The following OPCML variants were observed in gnomAD, a reference collection of about 807,000 sequenced individuals.
The protein encoded by OPCML is opioid binding protein/cell adhesion molecule like.
In OPCML, 13 loss-of-function variants were observed where a neutral mutation model predicts 37.8. That is an observed-to-expected ratio of 0.34 (90% CI 0.22 to 0.55). OPCML has a LOEUF of 0.55. Among genes scored for constraint, OPCML ranks in the 20% least tolerant of loss-of-function variants. The pLI is 0.91. For missense variants in OPCML, 341 were observed against 435.6 expected (o/e 0.78, Z 1.93); for synonymous variants, 176 against 168.8 (o/e 1.04, Z -0.33).
intron 3 of OPCML, among the ~76,000 whole-genome samples, chr11:132,577,279 T>A (rs1474113626): frequency 6.6e-6 from 1 of 152,182 alleles, no homozygotes; most frequent in Non-Finnish European, 1.5e-5. Context: ...TTTGGTTGCT[T>A]ATGTTAGGAA....
chr11:132,420,850 T>G (rs1294154369), intron 7 of OPCML, among the ~76,000 whole-genome samples: 1 of 152,044 alleles, frequency 6.6e-6, no homozygotes, highest in Admixed American at 6.5e-5. Flanking sequence ...TCCCCATGGG[T>G]TTTAAAGGCT....
At chr11:133,277,530 G>A (rs1208715527) in intron 1 of OPCML, among the ~76,000 whole-genome samples, 3 of 152,008 alleles carry the variant, frequency 2.0e-5, no homozygotes, top group Non-Finnish European at 4.4e-5. Flanking sequence ...GTTGCTGTTG[G>A]GCCATCTGAG....
chr11:132,664,038 T>C (rs921320474), intron 2 of OPCML, among the ~76,000 whole-genome samples: 3 of 152,146 alleles, frequency 2.0e-5, no homozygotes, highest in African/African-American at 4.8e-5. Flanking sequence ...TTCACTGCGT[T>C]AGCCAGGATG....
chr11:133,384,251 A>C (rs941529111), intron 1 of OPCML, among the ~76,000 whole-genome samples: 1 of 89,614 alleles, frequency 1.1e-5, no homozygotes, highest in Non-Finnish European at 2.3e-5. Context: ...ACTGTGCAAA[A>C]AAAAAAAAAA....
At chr11:133,419,105 G>T in intron 1 of OPCML, 1 of 357,720 alleles carries the variant, frequency 2.8e-6, no homozygotes, top group Non-Finnish European at 3.9e-6. Context: ...ACTGATTTGA[G>T]TAATAACTCT....
chr11:132,845,098 G>A (rs1424784977), intron 2 of OPCML, among the ~76,000 whole-genome samples: 1 of 152,046 alleles, frequency 6.6e-6, no homozygotes, highest in African/African-American at 2.4e-5. Context: ...AAGGTATGTG[G>A]GGAAGCTCAT....
chr11:132,656,943 C>T, intron 3 of OPCML, 144 bp downstream of exon 3: 1 of 1,415,202 alleles, frequency 7.1e-7, no homozygotes, highest in Non-Finnish European at 9.4e-7. Context: ...CGATGGGAAA[C>T]ATTCCAAGAC....
chr11:132,489,248 G>A (rs1020799820), intron 4 of OPCML, among the ~76,000 whole-genome samples: 2 of 152,114 alleles, frequency 1.3e-5, no homozygotes, highest in Non-Finnish European at 2.9e-5. Context: ...TCCACATCCC[G>A]CCCCGCTGGG....
At chr11:132,601,811 G>C (rs950181678) in intron 3 of OPCML, among the ~76,000 whole-genome samples, 3 of 152,104 alleles carry the variant, frequency 2.0e-5, no homozygotes, top group African/African-American at 7.2e-5. Flanking sequence ...AATGGAGTCA[G>C]GGTGAGGGGT....
intron 1 of OPCML, among the ~76,000 whole-genome samples, chr11:133,291,976 G>A (rs1280434556): frequency 5.3e-5 from 8 of 152,200 alleles, no homozygotes; most frequent in Non-Finnish European, 1.2e-4. Flanking sequence ...ACAAGAGAAT[G>A]GCCTTACAGT....
intron 1 of OPCML, among the ~76,000 whole-genome samples, chr11:133,334,461 AAAG>A (rs1366278082): frequency 3.3e-5 from 5 of 152,132 alleles, no homozygotes; most frequent in Admixed American, 3.3e-4. Context: ...TCATGAACAA[AAAG>A]AAGGAAACAG....
chr11:133,329,899 G>T (rs978021716), intron 1 of OPCML, among the ~76,000 whole-genome samples: 34 of 152,206 alleles, frequency 2.2e-4, no homozygotes, highest in African/African-American at 7.7e-4. Flanking sequence ...GAGTGAACAG[G>T]CAACCTACAG....
At chr11:133,115,506 AAAC>A (rs774021514) in intron 1 of OPCML, among the ~76,000 whole-genome samples, 31 of 152,178 alleles carry the variant, frequency 2.0e-4, no homozygotes, top group East Asian at 3.8e-4. Context: ...AAAACAAACA[AAAC>A]AACAACAACA....
intron 2 of OPCML, among the ~76,000 whole-genome samples, chr11:132,780,268 G>A (rs1470809261): frequency 6.6e-6 from 1 of 152,196 alleles, no homozygotes; most frequent in Non-Finnish European, 1.5e-5. Context: ...CACACTGTAC[G>A]TGAGACACTG....
chr11:133,237,753 G>GT (rs1940576500), intron 1 of OPCML, among the ~76,000 whole-genome samples: 2 of 152,200 alleles, frequency 1.3e-5, no homozygotes, highest in Non-Finnish European at 2.9e-5. Flanking sequence ...GCATATATCA[G>GT]TGTGCAAACA....
At chr11:132,711,768 T>C (rs1784177) in intron 2 of OPCML, among the ~76,000 whole-genome samples, 14,373 of 152,258 alleles carry the variant, frequency 0.094, 769 homozygotes, top group Non-Finnish European at 0.11. Flanking sequence ...GGTGCATATG[T>C]ATATATGTGT....
chr11:133,040,055 ACCCTCTATTT>A (rs1209222385), intron 1 of OPCML, among the ~76,000 whole-genome samples: 1 of 151,014 alleles, frequency 6.6e-6, no homozygotes, highest in Non-Finnish European at 1.5e-5. Flanking sequence ...GGGATGGCAG[ACCCTCTATTT>A]CCCTCTATTT....
At position 133,174,705 on chromosome 11, in the gene OPCML, T is replaced by C. The variant is rs1038722049; in HGVS notation, c.62-231695A>G. Among the ~76,000 whole-genome samples the C allele has an allele frequency of 6.6e-5, 10 of 151,882 alleles. No homozygotes were observed. Among genetic ancestry groups the C allele is most frequent in the African/African-American group, 2.4e-4 (10 of 41,454 alleles). ...GAGTGAAGTGTGTGTATTTCTTGTC[T>C]CCTGAAAAATAAATTTATGTTTGCC... On this transcript the variant is annotated intron_variant, in intron 1 of 7. Transcript: ENST00000524381. The surrounding 1 kb of genome is among the most constrained non-coding windows in gnomAD (Gnocchi z 4.6).
intron 2 of OPCML, among the ~76,000 whole-genome samples, chr11:132,718,681 C>G (rs1222709048): frequency 2.0e-5 from 3 of 152,098 alleles, no homozygotes; most frequent in Non-Finnish European, 4.4e-5. Flanking sequence ...GGGGTCATCC[C>G]AGTGAGGACA....
Sources: allele counts gnomAD v4.1 joint callset (sites outside exome capture counted in the v4.1 genomes callset), GRCh38; gene constraint gnomAD v4.1.1; non-coding constraint Gnocchi (gnomAD v3.1); transcripts MANE v1.5; gene names NCBI Gene and HGNC (gene_info 2026-07-23, HGNC 2026-07-21).